The following RNF14 variants were observed in gnomAD, a reference collection of about 807,000 sequenced individuals.
RNF14 encodes the protein ring finger protein 14.
RNF14 carries 26 observed loss-of-function variants against 52.6 expected under a neutral mutation model. That is an observed-to-expected ratio of 0.49 (90% CI 0.36 to 0.69). RNF14 has a LOEUF of 0.69. Among genes scored for constraint, RNF14 ranks in the 30% least tolerant of loss-of-function variants. The pLI is 0.00. For synonymous variants in RNF14, 194 were observed against 202.0 expected, an observed-to-expected ratio of 0.96 and a Z score of 0.34; for missense variants, 404 against 560.4, an observed-to-expected ratio of 0.72 and a Z score of 2.82.
In RNF14 at chr5:141,989,869, A is replaced by G. The variant is rs558025027; in HGVS notation, c.*2079A>G. 2.0e-5 allele frequency: 3 copies of G among 152,280 alleles called. No homozygotes were observed. The highest frequency in any genetic ancestry group is 2.1e-4 in the South Asian group (1 of 4,830). 9.4% of individuals were successfully genotyped at this position (152,280 alleles called of 1,614,324 possible). ...AGCTCTATAGTTCGTGAGCTACTTG[A>G]TATTTTCTAGAGATCATTTTATGTT... On this transcript the variant is annotated 3_prime_UTR_variant, in exon 9 of 9. Transcript: ENST00000394520.
At chr5:141,966,316 A>G (rs978005336), upstream of RNF14, among the ~76,000 whole-genome samples, 7 of 152,188 alleles carry the variant, frequency 4.6e-5, no homozygotes, top group African/African-American at 1.7e-4. Context: ...AAAGTATAAT[A>G]CACCTGACTT....
chr5:141,963,098 T>G (rs1332813269), upstream of RNF14: 1 of 152,288 alleles, frequency 6.6e-6, no homozygotes, highest in East Asian at 1.9e-4. Flanking sequence ...CACCTGGTTC[T>G]CTCTCCATAT....
upstream of RNF14, chr5:141,955,614 G>T (rs374855332): frequency 1.1e-5 from 17 of 1,614,112 alleles, no homozygotes; most frequent in African/African-American, 1.9e-4. The surrounding 1 kb of genome is among the most constrained non-coding windows in gnomAD (Gnocchi z 5.5). Flanking sequence ...AGGCCCTGTT[G>T]TCCTTCTTTT....
upstream of RNF14, among the ~76,000 whole-genome samples, chr5:141,967,185 C>G (rs759053724): frequency 1.3e-5 from 2 of 152,120 alleles, no homozygotes. Context: ...GTTTTTTTCT[C>G]TCTCCTGGGT....
chr5:141,969,920 CAAA>C (rs1220133023), intron 1 of RNF14, among the ~76,000 whole-genome samples: 2 of 152,080 alleles, frequency 1.3e-5, no homozygotes, highest in Admixed American at 1.3e-4. Context: ...CAGGAAGAAA[CAAA>C]AAGCTTAATT....
intron 7 of RNF14, among the ~76,000 whole-genome samples, chr5:141,984,044 A>G (rs1013199593): frequency 4.0e-5 from 6 of 151,456 alleles, no homozygotes; most frequent in African/African-American, 1.5e-4. Flanking sequence ...CTAATCTGTT[A>G]TGTCTGAACT....
At chr5:141,956,246 T>C (rs1357604430), upstream of RNF14, 2 of 1,614,092 alleles carry the variant, frequency 1.2e-6, no homozygotes, top group African/African-American at 1.3e-5. Flanking sequence ...TCCTCTGCGA[T>C]CACCTGGAAC....
chr5:141,960,871 T>G (rs1476993562), intron 1 of RNF14, among the ~76,000 whole-genome samples: 1 of 151,972 alleles, frequency 6.6e-6, no homozygotes, highest in Admixed American at 6.6e-5. Flanking sequence ...GCAGGGGAGC[T>G]TTGATGCAGA....
At chr5:141,979,569 T>C (rs1460548036) in intron 5 of RNF14, among the ~76,000 whole-genome samples, 1 of 152,184 alleles carries the variant, frequency 6.6e-6, no homozygotes, top group Non-Finnish European at 1.5e-5. Context: ...TGTTTTCTTA[T>C]TAAAGCATAA....
chr5:141,976,319 G>T (rs990199191), intron 4 of RNF14, among the ~76,000 whole-genome samples: 1 of 151,912 alleles, frequency 6.6e-6, no homozygotes. Flanking sequence ...GTGCATGCAC[G>T]TGCATGCACA....
intron 2 of RNF14, among the ~76,000 whole-genome samples, chr5:141,971,774 A>T (rs1668766992): frequency 6.6e-6 from 1 of 151,178 alleles, no homozygotes; most frequent in Admixed American, 6.6e-5. Context: ...TCAGCCACCG[A>T]GTAGCTGGGA....
chr5:141,956,480 G>A (rs767116673), upstream of RNF14: 1 of 1,614,218 alleles, frequency 6.2e-7, no homozygotes, highest in South Asian at 1.1e-5. Flanking sequence ...TCAAACACAG[G>A]TGCATTGTCG....
intron 4 of RNF14, 136 bp downstream of exon 4, chr5:141,975,091 C>T: frequency 1.2e-6 from 1 of 862,210 alleles, no homozygotes; most frequent in South Asian, 1.6e-5. Context: ...TTTTCCCTTG[C>T]CTTGGTGAAT....
At position 141,980,484 on chromosome 5, in the gene RNF14, A is replaced by G. The variant is rs34631427; in HGVS notation, c.1063+133A>G. The G allele has an allele frequency of 5.2e-3, 3,732 of 718,524 alleles. 19 individuals carry two copies. Among genetic ancestry groups the G allele is most frequent in the Non-Finnish European group, 6.3e-3 (2,716 of 429,240 alleles). 44.5% of individuals were successfully genotyped at this position (718,524 alleles called of 1,614,324 possible). ...AGCAGATATTTCTGTGTCAGTGACT[A>G]TCTCAGGCCTTGGGGCTGTAGTAGT... On this transcript the variant is annotated intron_variant, in intron 6 of 8. Coordinates refer to ENST00000394520, the MANE Select transcript of RNF14 (RefSeq NM_004290.5).
intron 8 of RNF14, among the ~76,000 whole-genome samples, chr5:141,987,266 C>T (rs2127067241): frequency 6.6e-6 from 1 of 152,266 alleles, no homozygotes; most frequent in Middle Eastern, 3.4e-3. Flanking sequence ...TTCCCTTGGC[C>T]AGGAGAGGGT....
upstream of RNF14, chr5:141,956,527 G>T: frequency 1.2e-6 from 2 of 1,614,220 alleles, no homozygotes; most frequent in Non-Finnish European, 1.7e-6. Flanking sequence ...CTGTTTCTTG[G>T]CTGATAAGGG....
chr5:141,972,601 G>GT (rs575577512), intron 2 of RNF14, among the ~76,000 whole-genome samples: 2 of 151,256 alleles, frequency 1.3e-5, no homozygotes, highest in East Asian at 2.0e-4. Flanking sequence ...TTACTTTTTT[G>GT]TTTTTTTGAG....
At chr5:141,985,353 A>G (rs1755142524) in intron 8 of RNF14, among the ~76,000 whole-genome samples, 2 of 152,216 alleles carry the variant, frequency 1.3e-5, no homozygotes, top group Non-Finnish European at 2.9e-5. Context: ...AGTACTTTTA[A>G]AAAACTTAAT....
At chr5:141,967,805 G>A (rs560263231), upstream of RNF14, among the ~76,000 whole-genome samples, 4 of 152,256 alleles carry the variant, frequency 2.6e-5, no homozygotes, top group Admixed American at 2.0e-4. Context: ...CGCTGAGAAC[G>A]GTGCTTTGTA....
Sources: gnomAD v4.1 joint callset for allele counts (sites outside exome capture counted in the v4.1 genomes callset) on GRCh38, gnomAD v4.1.1 for gene constraint, Gnocchi (gnomAD v3.1) non-coding constraint, MANE v1.5 for transcripts, NCBI Gene and HGNC (gene_info 2026-07-23, HGNC 2026-07-21) for gene names.